The following FCHSD2 variants were observed in gnomAD, a reference collection of about 807,000 sequenced individuals.
The protein encoded by FCHSD2 is F-BAR and double SH3 domains protein 2.
FCHSD2 carries 38 observed loss-of-function variants against 108.1 expected under a neutral mutation model. That is an observed-to-expected ratio of 0.35 (90% CI 0.27 to 0.46). The LOEUF is 0.46. Ranked by LOEUF, FCHSD2 falls within the 20% of genes least tolerant of loss-of-function variation. The pLI, the probability that FCHSD2 is intolerant of heterozygous loss-of-function variation, is 1.00. For synonymous variants in FCHSD2, 279 were observed against 314.7 expected, an observed-to-expected ratio of 0.89 and a Z score of 1.20; for missense variants, 751 against 897.8, an observed-to-expected ratio of 0.84 and a Z score of 2.09.
At chr11:72,980,232 G>A (rs577784320) in intron 8 of FCHSD2, among the ~76,000 whole-genome samples, 1 of 152,290 alleles carries the variant, frequency 6.6e-6, no homozygotes, top group African/African-American at 2.4e-5. Context: ...TGAAATAACT[G>A]TTAAAAATAG....
intron 2 of FCHSD2, among the ~76,000 whole-genome samples, chr11:73,117,217 C>A (rs1211846321): frequency 6.6e-6 from 1 of 152,074 alleles, no homozygotes; most frequent in Non-Finnish European, 1.5e-5. Context: ...GAATTTGATT[C>A]TATTATTATC....
intron 3 of FCHSD2, among the ~76,000 whole-genome samples, chr11:73,080,086 C>T (rs1480845955): frequency 6.6e-6 from 1 of 151,794 alleles, no homozygotes; most frequent in Non-Finnish European, 1.5e-5. Context: ...ATTACTTGAA[C>T]CCAGGAGTTC....
chr11:72,925,638 A>G (rs915070158), intron 8 of FCHSD2, among the ~76,000 whole-genome samples: 6 of 152,230 alleles, frequency 3.9e-5, no homozygotes, highest in African/African-American at 1.4e-4. Flanking sequence ...TTATCTCATC[A>G]TGAGATAATA....
intron 8 of FCHSD2, among the ~76,000 whole-genome samples, chr11:72,966,765 A>G (rs982284517): frequency 1.3e-5 from 2 of 152,222 alleles, no homozygotes; most frequent in African/African-American, 4.8e-5. Flanking sequence ...ACAATCAGGT[A>G]TATAATTATA....
chr11:73,138,710 G>A (rs953267482), intron 2 of FCHSD2, among the ~76,000 whole-genome samples: 8 of 150,324 alleles, frequency 5.3e-5, no homozygotes, highest in Non-Finnish European at 8.8e-5. Flanking sequence ...CTAGGTTCAA[G>A]CAATTCTCTG....
chr11:73,124,593 T>C (rs890268867), intron 2 of FCHSD2, among the ~76,000 whole-genome samples: 3 of 151,922 alleles, frequency 2.0e-5, no homozygotes, highest in Non-Finnish European at 4.4e-5. Flanking sequence ...CCGCCTCTAC[T>C]GAAAATACAA....
At chr11:73,012,870 G>C (rs747893694) in intron 4 of FCHSD2, among the ~76,000 whole-genome samples, 2 of 152,142 alleles carry the variant, frequency 1.3e-5, no homozygotes, top group Non-Finnish European at 2.9e-5. Flanking sequence ...CAAATCATTT[G>C]CAAGTCCTCT....
At chr11:72,963,609 T>C (rs1027083690) in intron 8 of FCHSD2, among the ~76,000 whole-genome samples, 12 of 152,222 alleles carry the variant, frequency 7.9e-5, no homozygotes, top group Non-Finnish European at 1.5e-4. Flanking sequence ...TCGTGGAAGA[T>C]AATTTTTCCA....
chr11:73,009,173 T>TA (rs900184375), intron 4 of FCHSD2, among the ~76,000 whole-genome samples: 6 of 152,036 alleles, frequency 3.9e-5, no homozygotes, highest in Admixed American at 3.9e-4. Flanking sequence ...GCACTGTTGG[T>TA]AAAAAATAAA....
At chr11:72,854,945 C>A (rs527702324) in intron 13 of FCHSD2, among the ~76,000 whole-genome samples, 2 of 151,920 alleles carry the variant, frequency 1.3e-5, no homozygotes, top group Non-Finnish European at 2.9e-5. Flanking sequence ...CGAGACCAGC[C>A]TGGCCAACAT....
intron 2 of FCHSD2, among the ~76,000 whole-genome samples, chr11:73,100,177 C>T (rs1005790006): frequency 1.3e-5 from 2 of 152,176 alleles, no homozygotes; most frequent in Admixed American, 1.3e-4. Context: ...AACACACCCT[C>T]TGTTTCAGAA....
intron 2 of FCHSD2, among the ~76,000 whole-genome samples, chr11:73,092,152 G>C (rs922057009): frequency 1.2e-4 from 18 of 152,206 alleles, no homozygotes; most frequent in African/African-American, 3.1e-4. Flanking sequence ...TTTAGAGGTA[G>C]GGTCTTGCTC....
At chr11:72,932,199 C>T (rs960366275) in intron 8 of FCHSD2, among the ~76,000 whole-genome samples, 3 of 152,120 alleles carry the variant, frequency 2.0e-5, no homozygotes, top group Non-Finnish European at 2.9e-5. Flanking sequence ...CCAAACCCAA[C>T]CCCTCCTCCT....
chr11:73,105,929 T>C (rs567404209), intron 2 of FCHSD2, among the ~76,000 whole-genome samples: 18 of 152,330 alleles, frequency 1.2e-4, no homozygotes, highest in African/African-American at 3.1e-4. Context: ...AAGATACCTA[T>C]AGAAGATACC....
intron 13 of FCHSD2, among the ~76,000 whole-genome samples, chr11:72,858,162 G>C (rs1191536353): frequency 6.6e-6 from 1 of 152,230 alleles, no homozygotes; most frequent in East Asian, 1.9e-4. Flanking sequence ...TACAGAGGAA[G>C]ACAGCTCCTC....
At chr11:73,103,282 T>C (rs1860265788) in intron 2 of FCHSD2, among the ~76,000 whole-genome samples, 1 of 152,182 alleles carries the variant, frequency 6.6e-6, no homozygotes, top group Admixed American at 6.5e-5. Flanking sequence ...TAAAACATAA[T>C]AAAAGTTGTA....
At chr11:72,909,496 A>G (rs1403902447) in intron 9 of FCHSD2, among the ~76,000 whole-genome samples, 1 of 133,162 alleles carries the variant, frequency 7.5e-6, no homozygotes, top group Non-Finnish European at 1.6e-5. Context: ...CTGGCCGCCC[A>G]TCATCTGGGA....
chr11:73,078,654 T>C lies in FCHSD2; in HGVS notation c.165+5041A>G, dbSNP rs1015716359. Among the ~76,000 whole-genome samples the C allele has an allele frequency of 3.3e-5, 5 of 151,478 alleles. No individual in the cohort carries two copies. The East Asian group carries it at 7.7e-4, about 23-fold the overall frequency. On this transcript the variant is annotated intron_variant, in intron 3 of 19. Coordinates refer to ENST00000409418, the MANE Select transcript of FCHSD2 (RefSeq NM_014824.3). ...ATTCTGATAAAAAAAAAAAAAGTACTGGTTGCCATTGAAAGGTATGAATAT... is the reference window on the plus strand; with the variant it reads ...ATTCTGATAAAAAAAAAAAAAGTACCGGTTGCCATTGAAAGGTATGAATAT...
At chr11:73,106,514 G>C (rs1860348689) in intron 2 of FCHSD2, among the ~76,000 whole-genome samples, 1 of 151,970 alleles carries the variant, frequency 6.6e-6, no homozygotes, top group South Asian at 2.1e-4. Flanking sequence ...AACTGTTACA[G>C]GAAGTGAAAG....
Sources: allele counts gnomAD v4.1 joint callset (sites outside exome capture counted in the v4.1 genomes callset), GRCh38; gene constraint gnomAD v4.1.1; transcripts MANE v1.5; gene names NCBI Gene and HGNC (gene_info 2026-07-23, HGNC 2026-07-21).